The following ALPK1 variants were observed in gnomAD, a reference collection of about 807,000 sequenced individuals.
The protein encoded by ALPK1 is alpha-protein kinase 1.
A neutral mutation model predicts 120.6 loss-of-function variants in ALPK1; 110 were observed. That is an observed-to-expected ratio of 0.91 (90% CI 0.78 to 1.07). The LOEUF (loss-of-function observed/expected upper bound fraction) is 1.07, where lower values mean the gene tolerates loss of function less well. Among genes scored for constraint, ALPK1 ranks in the 50% least tolerant of loss-of-function variants. The pLI, the probability that ALPK1 is intolerant of heterozygous loss-of-function variation, is 0.00. For synonymous variants in ALPK1, 582 were observed against 560.3 expected (o/e 1.04, Z -0.55); for missense variants, 1,498 against 1,483.9 (o/e 1.01, Z -0.16).
At chr4:112,315,575 T>C (rs1236888191) in intron 1 of ALPK1, among the ~76,000 whole-genome samples, 2 of 152,206 alleles carry the variant, frequency 1.3e-5, no homozygotes, top group Non-Finnish European at 2.9e-5. Flanking sequence ...TGGTCTCCCT[T>C]GATGTAACAT....
chr4:112,324,983 G>C lies in ALPK1; in HGVS notation c.-101+9131G>C, dbSNP rs202143352. On this transcript the variant is annotated intron_variant, in intron 2 of 15. Coordinates refer to ENST00000650871, the MANE Select transcript of ALPK1 (RefSeq NM_025144.4). ...TGAGGAACCAAAAAAAAGGGGGGGG[G>C]GGGCAAATAGAGTGAATCCCTTGAG... 1.7e-4 allele frequency among the ~76,000 whole-genome samples: 23 copies of C among 137,698 alleles called. 1 individual carries two copies. Among genetic ancestry groups the C allele is most frequent in the South Asian group, 5.5e-4 (2 of 3,612 alleles). The allele number at this position is 137,698 out of a possible 152,430, so 90.3% of individuals were successfully genotyped here. A position where few individuals can be genotyped will look rare whatever the true frequency, so the allele number is the denominator to read the frequency against.
intron 1 of ALPK1, among the ~76,000 whole-genome samples, chr4:112,302,759 C>G (rs1036202318): frequency 3.8e-5 from 5 of 130,004 alleles, no homozygotes; most frequent in African/African-American, 1.6e-4. Context: ...CAAACAAACC[C>G]CTTTTTGCAG....
chr4:112,435,333 T>G (rs937346640), intron 12 of ALPK1, 32 bp downstream of exon 12: 2 of 1,590,302 alleles, frequency 1.3e-6, no homozygotes, highest in Admixed American at 3.6e-5. Context: ...ATAACTAATG[T>G]AAGATGAGCT....
At chr4:112,314,501 G>A (rs542834079) in intron 1 of ALPK1, among the ~76,000 whole-genome samples, 4 of 152,318 alleles carry the variant, frequency 2.6e-5, no homozygotes, top group Admixed American at 6.5e-5. Flanking sequence ...GGAAGTGAAT[G>A]ACTGAGGTTG....
chr4:112,300,069 T>A (rs1727718824), intron 1 of ALPK1, among the ~76,000 whole-genome samples: 1 of 152,104 alleles, frequency 6.6e-6, no homozygotes, highest in African/African-American at 2.4e-5. Context: ...TTCGCAAACA[T>A]GTTCATCATA....
At chr4:112,432,730 G>A in intron 11 of ALPK1, 149 bp downstream of exon 11, 1 of 769,424 alleles carries the variant, frequency 1.3e-6, no homozygotes, top group Non-Finnish European at 2.1e-6. Flanking sequence ...TATACTTCAG[G>A]GGTCTCCCTC....
chr4:112,417,386 AT>A (rs1472731801), intron 5 of ALPK1, among the ~76,000 whole-genome samples: 1 of 152,242 alleles, frequency 6.6e-6, no homozygotes, highest in Non-Finnish European at 1.5e-5. Flanking sequence ...GGTGCAAAAA[AT>A]CTTGAAATAT....
intron 4 of ALPK1, among the ~76,000 whole-genome samples, chr4:112,393,587 G>A (rs1732519842): frequency 1.3e-5 from 2 of 151,972 alleles, no homozygotes; most frequent in African/African-American, 4.8e-5. Context: ...TATAATAAAG[G>A]AAGTGAAGAG....
intron 1 of ALPK1, among the ~76,000 whole-genome samples, chr4:112,298,795 T>A (rs933487839): frequency 2.0e-5 from 3 of 152,164 alleles, no homozygotes; most frequent in African/African-American, 7.2e-5. Context: ...AGGTTTGGAT[T>A]TAGAGCCTGA....
intron 11 of ALPK1, among the ~76,000 whole-genome samples, chr4:112,433,439 C>T (rs1734664662): frequency 6.6e-6 from 1 of 152,198 alleles, no homozygotes; most frequent in African/African-American, 2.4e-5. Flanking sequence ...GCTCCCAACA[C>T]CATCACCTTG....
At chr4:112,350,061 T>C (rs763184696) in intron 2 of ALPK1, among the ~76,000 whole-genome samples, 1 of 152,164 alleles carries the variant, frequency 6.6e-6, no homozygotes, top group Non-Finnish European at 1.5e-5. Flanking sequence ...CACTGCAAAG[T>C]GCATGTGCTT....
chr4:112,424,241 C>T (rs1013450915), intron 6 of ALPK1, among the ~76,000 whole-genome samples: 7 of 151,844 alleles, frequency 4.6e-5, no homozygotes, highest in African/African-American at 1.7e-4. Flanking sequence ...TATTGGCCTG[C>T]TTCCTTACAG....
At chr4:112,392,508 G>A (rs919185926) in intron 4 of ALPK1, among the ~76,000 whole-genome samples, 3 of 152,022 alleles carry the variant, frequency 2.0e-5, no homozygotes, top group Admixed American at 6.6e-5. Flanking sequence ...TGTAATTGTG[G>A]TTTTTGCAAT....
At chr4:112,312,220 A>AT (rs958743703) in intron 1 of ALPK1, among the ~76,000 whole-genome samples, 44 of 151,910 alleles carry the variant, frequency 2.9e-4, no homozygotes, top group East Asian at 1.5e-3. Context: ...TTTCTCCAAA[A>AT]TTTTTTTACA....
At chr4:112,351,685 GCTGGT>G (rs940602018) in intron 2 of ALPK1, among the ~76,000 whole-genome samples, 1 of 152,108 alleles carries the variant, frequency 6.6e-6, no homozygotes, top group African/African-American at 2.4e-5. Flanking sequence ...TGTTGGCCAG[GCTGGT>G]CTCGAACTTC....
At chr4:112,405,383 C>G (rs1733119566) in intron 4 of ALPK1, among the ~76,000 whole-genome samples, 2 of 152,256 alleles carry the variant, frequency 1.3e-5, no homozygotes, top group South Asian at 4.2e-4. Context: ...AAGCCACCTC[C>G]CGGGAAGTCT....
intron 2 of ALPK1, among the ~76,000 whole-genome samples, chr4:112,328,515 T>A (rs1729215835): frequency 6.6e-6 from 1 of 152,242 alleles, no homozygotes; most frequent in Non-Finnish European, 1.5e-5. Context: ...TGAGTATTTG[T>A]TCTTCACACT....
intron 2 of ALPK1, among the ~76,000 whole-genome samples, chr4:112,332,517 G>T (rs573827715): frequency 5.3e-5 from 8 of 152,288 alleles, no homozygotes; most frequent in Non-Finnish European, 8.8e-5. Context: ...TTCATTGACT[G>T]GTTGCCATCA....
At chr4:112,372,381 T>G (rs1731455338) in intron 2 of ALPK1, among the ~76,000 whole-genome samples, 1 of 151,966 alleles carries the variant, frequency 6.6e-6, no homozygotes, top group Non-Finnish European at 1.5e-5. Flanking sequence ...CCCGGCTAAT[T>G]TTTTGTATTT....
Sources: gnomAD v4.1 joint callset for allele counts (sites outside exome capture counted in the v4.1 genomes callset) on GRCh38, gnomAD v4.1.1 for gene constraint, MANE v1.5 for transcripts, NCBI Gene and HGNC (gene_info 2026-07-23, HGNC 2026-07-21) for gene names.